Variants in MGAT5 observed in about 807,000 individuals in gnomAD.
MGAT5 encodes the protein alpha-1,6-mannosylglycoprotein 6-beta-N-acetylglucosaminyltransferase A.
MGAT5 carries 30 observed loss-of-function variants against 94.3 expected under a neutral mutation model. That is an observed-to-expected ratio of 0.32 (90% CI 0.24 to 0.43). The LOEUF (loss-of-function observed/expected upper bound fraction) is 0.43, where lower values mean the gene tolerates loss of function less well. Ranked by LOEUF, MGAT5 falls within the 20% of genes least tolerant of loss-of-function variation. The pLI, the probability that MGAT5 is intolerant of heterozygous loss-of-function variation, is 1.00. For missense variants in MGAT5, 691 were observed against 905.5 expected, an observed-to-expected ratio of 0.76 and a Z score of 3.04; for synonymous variants, 310 against 322.9, an observed-to-expected ratio of 0.96 and a Z score of 0.43.
In MGAT5 at chr2:134,345,026, A is replaced by G. The variant is rs772601012; in HGVS notation, c.1074A>G (p.Gln358=). The change falls in exon 8 of 16, where the codon CAA becomes CAG. Residue 358 remains glutamine (Q), a synonymous_variant. Coordinates refer to ENST00000281923, the MANE Select transcript of MGAT5 (RefSeq NM_002410.5). ...LIYIDIVGLA[Q]FKKTLGPSWV... ...ACATTGATATTGTAGGACTTGCTCA[A>G]TTCAAGAAAACTCTTGGACCATCCT... 9 of 1,613,478 alleles carry G rather than the reference A, an allele frequency of 5.6e-6. No homozygotes were observed. Among genetic ancestry groups the G allele is most frequent in the South Asian group, 2.2e-5 (2 of 91,052 alleles).
chr2:134,447,773 C>G (rs1225945997), intron 15 of MGAT5, among the ~76,000 whole-genome samples: 1 of 152,244 alleles, frequency 6.6e-6, no homozygotes, highest in African/African-American at 2.4e-5. Context: ...CCTTGGCCCC[C>G]CTACGCAGTG....
chr2:134,441,429 T>C (rs1685480797), intron 14 of MGAT5, among the ~76,000 whole-genome samples: 1 of 152,236 alleles, frequency 6.6e-6, no homozygotes, highest in South Asian at 2.1e-4. Flanking sequence ...TAAGTGTTGA[T>C]GGTGATGATT....
At chr2:134,291,720 G>C (rs1470014785) in intron 2 of MGAT5, among the ~76,000 whole-genome samples, 2 of 152,208 alleles carry the variant, frequency 1.3e-5, no homozygotes, top group Non-Finnish European at 2.9e-5. Context: ...TGTAAGGCAA[G>C]TTAGGGTCAC....
At chr2:134,391,514 G>T (rs1682408427) in intron 10 of MGAT5, among the ~76,000 whole-genome samples, 1 of 152,106 alleles carries the variant, frequency 6.6e-6, no homozygotes, top group Non-Finnish European at 1.5e-5. Flanking sequence ...CCCTCTTCTG[G>T]GTTACAGACA....
intron 13 of MGAT5, among the ~76,000 whole-genome samples, chr2:134,425,910 A>T (rs574341110): frequency 0.02 from 2,625 of 129,180 alleles, 70 homozygotes; most frequent in African/African-American, 0.076. Context: ...TTTTTTTTTT[A>T]AACAAAGCAG....
intron 13 of MGAT5, among the ~76,000 whole-genome samples, chr2:134,427,908 A>G (rs1241915047): frequency 2.0e-5 from 3 of 152,252 alleles, no homozygotes; most frequent in Non-Finnish European, 4.4e-5. Context: ...AGCAGTGACC[A>G]TGCATTCATT....
At chr2:134,194,868 G>A (rs1679423469) in intron 1 of MGAT5, among the ~76,000 whole-genome samples, 1 of 152,122 alleles carries the variant, frequency 6.6e-6, no homozygotes, top group East Asian at 1.9e-4. Context: ...GTATTTTGTG[G>A]TTCAGGTGGT....
At chr2:134,383,088 G>C (rs1207480978) in intron 10 of MGAT5, among the ~76,000 whole-genome samples, 1 of 152,188 alleles carries the variant, frequency 6.6e-6, no homozygotes, top group Non-Finnish European at 1.5e-5. Flanking sequence ...TCACAAAAAT[G>C]TGGAGCCTGC....
chr2:134,270,385 G>A lies in MGAT5; in HGVS notation c.242-1G>A. ...AAAATTGTCTGCACTTTCTTTTACA[G>A]ATCTGAAGAAAACCCTTGCTGTGTT... On this transcript the variant is annotated splice_acceptor_variant, in intron 1 of 15. Coordinates refer to ENST00000281923, the MANE Select transcript of MGAT5 (RefSeq NM_002410.5). LOFTEE classifies it high-confidence loss of function. 6.2e-7 allele frequency: 1 copy of A among 1,613,850 alleles called. No homozygotes were observed. The highest frequency in any genetic ancestry group is 8.5e-7 in the Non-Finnish European group (1 of 1,179,798).
At chr2:134,219,381 G>A (rs1680644809) in intron 1 of MGAT5, among the ~76,000 whole-genome samples, 1 of 151,968 alleles carries the variant, frequency 6.6e-6, no homozygotes, top group African/African-American at 2.4e-5. Flanking sequence ...TGCTGTGAGA[G>A]CTAAGGGGCT....
intron 2 of MGAT5, among the ~76,000 whole-genome samples, chr2:134,311,516 C>T (rs1407161094): frequency 6.6e-6 from 1 of 152,042 alleles, no homozygotes; most frequent in Non-Finnish European, 1.5e-5. Context: ...TGTGTGAGCT[C>T]GCATGCAAAC....
chr2:134,284,088 A>G (rs970507673), intron 2 of MGAT5, among the ~76,000 whole-genome samples: 1 of 152,190 alleles, frequency 6.6e-6, no homozygotes, highest in Non-Finnish European at 1.5e-5. Flanking sequence ...CCAGAGATTC[A>G]TGAGCTTTTA....
chr2:134,397,417 G>A (rs1489494004), intron 10 of MGAT5, among the ~76,000 whole-genome samples: 1 of 152,166 alleles, frequency 6.6e-6, no homozygotes, highest in Non-Finnish European at 1.5e-5. Context: ...CAGAGACACA[G>A]CAGCACATTG....
At chr2:134,127,592 G>A (rs2104890792) in intron 1 of MGAT5, among the ~76,000 whole-genome samples, 1 of 148,274 alleles carries the variant, frequency 6.7e-6, no homozygotes, top group South Asian at 2.1e-4. Flanking sequence ...CATGGGTACA[G>A]GCTGGAAGCT....
intron 1 of MGAT5, among the ~76,000 whole-genome samples, chr2:134,173,945 G>C (rs1010997842): frequency 6.6e-6 from 1 of 152,220 alleles, no homozygotes; most frequent in African/African-American, 2.4e-5. Context: ...GTGGCTCACT[G>C]TTCTCCCCCA....
At chr2:134,420,276 G>C (rs1324328167) in intron 12 of MGAT5, among the ~76,000 whole-genome samples, 1 of 152,132 alleles carries the variant, frequency 6.6e-6, no homozygotes, top group Non-Finnish European at 1.5e-5. Flanking sequence ...GGCTTCCTTG[G>C]TAAGTGTTGA....
intron 12 of MGAT5, among the ~76,000 whole-genome samples, chr2:134,417,267 C>A (rs1222153735): frequency 6.6e-6 from 1 of 152,152 alleles, no homozygotes; most frequent in Non-Finnish European, 1.5e-5. Flanking sequence ...ATGGCAGCTT[C>A]TACAAAACTA....
chr2:134,247,967 T>C (rs555996051), intron 1 of MGAT5, among the ~76,000 whole-genome samples: 1 of 152,314 alleles, frequency 6.6e-6, no homozygotes, highest in East Asian at 1.9e-4. Flanking sequence ...CCATCCCTTG[T>C]CTTAGACATA....
intron 1 of MGAT5, among the ~76,000 whole-genome samples, chr2:134,196,473 A>G (rs1406773555): frequency 6.6e-6 from 1 of 151,942 alleles, no homozygotes; most frequent in African/African-American, 2.4e-5. Flanking sequence ...TTTGTTTTCT[A>G]TTTAATGTAG....
Sources: allele counts gnomAD v4.1 joint callset (sites outside exome capture counted in the v4.1 genomes callset), GRCh38; gene constraint gnomAD v4.1.1; transcripts MANE v1.5; gene names NCBI Gene and HGNC (gene_info 2026-07-23, HGNC 2026-07-21).